SCNN1G: variants seen among roughly 807,000 people sequenced by gnomAD.
SCNN1G encodes the protein sodium channel epithelial 1 subunit gamma, also known as epithelial sodium channel subunit gamma.
SCNN1G carries 27 observed loss-of-function variants against 64.6 expected under a neutral mutation model. The observed-to-expected ratio is 0.42, with a 90% CI of 0.31 to 0.58. The LOEUF is 0.58. Ranked by LOEUF, SCNN1G falls within the 20% of genes least tolerant of loss-of-function variation. The pLI, the probability that SCNN1G is intolerant of heterozygous loss-of-function variation, is 0.18. For missense variants in SCNN1G, 743 were observed against 823.4 expected (o/e 0.90, Z 1.19); for synonymous variants, 330 against 314.2 (o/e 1.05, Z -0.53).
chr16:23,213,182 G>A lies in SCNN1G; in HGVS notation c.1493+19G>A. 1.3e-6 allele frequency: 2 copies of A among 1,590,910 alleles called. No individual in the cohort carries two copies. Among genetic ancestry groups the A allele is most frequent in the Non-Finnish European group, 1.7e-6 (2 of 1,163,732 alleles). ...TCAACAAGTAAGTTACCTCTACCCT[G>A]TTCCTCTGTCTCTTCCCACCACAGC... On this transcript the variant is annotated intron_variant, in intron 11 of 12. Transcript: ENST00000300061.
chr16:23,193,816 GA>G (rs1301093409), intron 4 of SCNN1G, among the ~76,000 whole-genome samples: 7 of 152,316 alleles, frequency 4.6e-5, no homozygotes, highest in Admixed American at 4.6e-4. Context: ...ATGCCCTGGG[GA>G]TTATTTTCTA....
intron 6 of SCNN1G, among the ~76,000 whole-genome samples, chr16:23,199,998 G>A (rs11074553): frequency 0.55 from 83,106 of 151,920 alleles, 23,617 homozygotes; most frequent in East Asian, 0.82. Flanking sequence ...TTACCTGTTT[G>A]TGGGTGGGGA....
chr16:23,210,381 C>T (rs187814561), intron 7 of SCNN1G, among the ~76,000 whole-genome samples: 6 of 152,182 alleles, frequency 3.9e-5, no homozygotes, highest in Non-Finnish European at 7.4e-5. Flanking sequence ...TCCAGCCTCT[C>T]GAAAAAATGA....
At chr16:23,211,195 T>G (rs1025684679) in intron 7 of SCNN1G, among the ~76,000 whole-genome samples, 1 of 152,236 alleles carries the variant, frequency 6.6e-6, no homozygotes, top group Non-Finnish European at 1.5e-5. Flanking sequence ...TCTGAGAGGT[T>G]AAGTAACTTG....
chr16:23,211,543 C>T (rs1960078989), intron 7 of SCNN1G, among the ~76,000 whole-genome samples: 1 of 152,214 alleles, frequency 6.6e-6, no homozygotes, highest in Non-Finnish European at 1.5e-5. Context: ...CCAGGTGTGG[C>T]TCATGCCTAT....
At chr16:23,209,518 G>T (rs4411498) in intron 6 of SCNN1G, among the ~76,000 whole-genome samples, 4 of 151,804 alleles carry the variant, frequency 2.6e-5, no homozygotes, top group African/African-American at 4.8e-5. Context: ...CCACTGGAAG[G>T]TACGTTCCAG....
chr16:23,186,279 C>T lies in SCNN1G; in HGVS notation c.8C>T (p.Pro3Leu), dbSNP rs1159522536. 1 of 1,614,202 alleles carries T rather than the reference C, an allele frequency of 6.2e-7. No homozygotes were observed. The highest frequency in any genetic ancestry group is 1.1e-5 in the South Asian group (1 of 91,082). Residue 3 changes from proline to leucine, a missense_variant, in exon 2 of 13, where the codon CCC (proline) becomes CTC (leucine). Pro to Leu is a moderately conservative substitution (Grantham distance 98, BLOSUM62 -3). Transcript: ENST00000300061. ...CAAAGTCCCATCCTCGCCATGGCAC[C>T]CGGAGAGAAGATCAAAGCCAAAATC... The part of the protein sequence containing the change: MA[P>L]GEKIKAKIKK...
At chr16:23,203,627 G>A (rs566523968) in intron 6 of SCNN1G, among the ~76,000 whole-genome samples, 19 of 151,824 alleles carry the variant, frequency 1.3e-4, no homozygotes, top group African/African-American at 3.9e-4. Flanking sequence ...AAAATTAGCC[G>A]GGTGTGGTGG....
chr16:23,210,394 C>T (rs879609140), intron 7 of SCNN1G, among the ~76,000 whole-genome samples: 3 of 152,162 alleles, frequency 2.0e-5, no homozygotes, highest in Admixed American at 6.5e-5. Context: ...AAAAATGAAA[C>T]GATACAGCAA....
At chr16:23,185,553 T>G (rs141345851) in intron 1 of SCNN1G, among the ~76,000 whole-genome samples, 21 of 152,288 alleles carry the variant, frequency 1.4e-4, no homozygotes, top group African/African-American at 4.8e-4. Flanking sequence ...AAACACTAAG[T>G]GGCCAATAGT....
In SCNN1G at chr16:23,213,165, T is replaced by C; in HGVS notation, c.1493+2T>C. On this transcript the variant is annotated splice_donor_variant, in intron 11 of 12. Coordinates refer to ENST00000300061, the MANE Select transcript of SCNN1G (RefSeq NM_001039.4). LOFTEE classifies it high-confidence loss of function. ...GCAAGTAAACAAAAAGCTCAACAAG[T>C]AAGTTACCTCTACCCTGTTCCTCTG... 2 of 1,609,466 alleles carry C rather than the reference T, an allele frequency of 1.2e-6. No homozygotes were observed. Among genetic ancestry groups the C allele is most frequent in the Non-Finnish European group, 1.7e-6 (2 of 1,176,864 alleles).
intron 5 of SCNN1G, among the ~76,000 whole-genome samples, chr16:23,196,817 GGGA>G (rs1402347412): frequency 1.3e-5 from 2 of 152,162 alleles, no homozygotes; most frequent in African/African-American, 2.4e-5. Context: ...GAGCAGGAGT[GGGA>G]GGAGAAGTTG....
chr16:23,189,806 T>G (rs1189574978), intron 3 of SCNN1G, 135 bp downstream of exon 3: 3 of 932,658 alleles, frequency 3.2e-6, no homozygotes, highest in Non-Finnish European at 5.2e-6. Context: ...ACACAGTGAC[T>G]CATGCTTGTA....
Position 23,210,280 on chromosome 16 carries a change from G to A in SCNN1G, c.1176+432G>A, listed in dbSNP as rs539553138. On this transcript the variant is annotated intron_variant, in intron 7 of 12. Transcript: ENST00000300061. ...TTGGATCAGGGGCTGCTAATTTGCAGCTCCCAGTCGCCTTCCAGGTGGCAT... is the reference window on the plus strand; with the variant it reads ...TTGGATCAGGGGCTGCTAATTTGCAACTCCCAGTCGCCTTCCAGGTGGCAT... 3.3e-5 allele frequency among the ~76,000 whole-genome samples: 5 copies of A among 152,274 alleles called. No individual in the cohort carries two copies. In the East Asian group the frequency reaches 9.7e-4, roughly 29 times the overall value.
chr16:23,193,640 C>T (rs1445246132), intron 4 of SCNN1G, among the ~76,000 whole-genome samples: 1 of 152,094 alleles, frequency 6.6e-6, no homozygotes, highest in Non-Finnish European at 1.5e-5. Flanking sequence ...AAGAGCAAGA[C>T]CCTATCTCAG....
At chr16:23,205,734 G>T (rs541479685) in intron 6 of SCNN1G, among the ~76,000 whole-genome samples, 1 of 149,126 alleles carries the variant, frequency 6.7e-6, no homozygotes, top group East Asian at 2.0e-4. Flanking sequence ...TCCCAGGTCT[G>T]CACAGGTTCA....
At chr16:23,212,191 C>G (rs373424982) in intron 8 of SCNN1G, 40 bp downstream of exon 8, 424 of 1,345,686 alleles carry the variant, frequency 3.2e-4, no homozygotes, top group Non-Finnish European at 3.3e-4. Flanking sequence ...GCCCCAGGAC[C>G]AGGGTCAGCC....
chr16:23,186,482 T>G lies in SCNN1G; in HGVS notation c.211T>G (p.Cys71Gly), dbSNP rs1216033654. 1.9e-6 allele frequency: 3 copies of G among 1,614,146 alleles called. No homozygotes were observed. The East Asian group carries it at 6.7e-5, about 36-fold the overall frequency. Reference sequence around the variant, plus strand: ...TGCCGTGGCCCTCATCCTCTGGCAGTGCGCCCTCCTCGTCTTCTCCTTCTA... The same window carrying G: ...TGCCGTGGCCCTCATCCTCTGGCAGGGCGCCCTCCTCGTCTTCTCCTTCTA... ...LTAVALILWQ[C>G]ALLVFSFYTV... The change falls in exon 2 of 13, where the codon TGC (cysteine) becomes GGC (glycine). Residue 71 changes from cysteine (C) to glycine (G), a missense_variant. Transcript: ENST00000300061.
chr16:23,213,250 C>CTAT, intron 11 of SCNN1G, 87 bp downstream of exon 11: 1 of 771,270 alleles, frequency 1.3e-6, no homozygotes, highest in Non-Finnish European at 2.1e-6. Context: ...TGGCCAAATC[C>CTAT]TCTTTTTTTT....
Sources: allele counts gnomAD v4.1 joint callset (sites outside exome capture counted in the v4.1 genomes callset), GRCh38; gene constraint gnomAD v4.1.1; transcripts MANE v1.5; gene names NCBI Gene and HGNC (gene_info 2026-07-23, HGNC 2026-07-21).